KLF12: variants seen among roughly 807,000 people sequenced by gnomAD.
KLF12 encodes Krueppel-like factor 12.
In KLF12, 9 loss-of-function variants were observed where a neutral mutation model predicts 37.8. That is an observed-to-expected ratio of 0.24 (90% CI 0.14 to 0.42). KLF12 has a LOEUF of 0.42. Ranked by LOEUF, KLF12 falls within the 10% of genes least tolerant of loss-of-function variation. The pLI is 1.00. For synonymous variants in KLF12, 208 were observed against 202.1 expected (o/e 1.03, Z -0.25); for missense variants, 411 against 516.0 (o/e 0.80, Z 1.97).
intron 5 of KLF12, among the ~76,000 whole-genome samples, chr13:73,812,387 A>T (rs1188909205): frequency 2.5e-3 from 28 of 11,002 alleles, no homozygotes; most frequent in African/African-American, 8.8e-3. Context: ...GCATTCTCAC[A>T]AAAAAAAAAA....
intron 5 of KLF12, among the ~76,000 whole-genome samples, chr13:73,793,573 T>C (rs1030181513): frequency 1.3e-5 from 2 of 152,240 alleles, no homozygotes; most frequent in Non-Finnish European, 2.9e-5. Flanking sequence ...ATGCATTTCC[T>C]GGATTAAGAC....
intron 1 of KLF12, among the ~76,000 whole-genome samples, chr13:74,120,715 A>G (rs1877579295): frequency 6.6e-6 from 1 of 152,112 alleles, no homozygotes; most frequent in Non-Finnish European, 1.5e-5. Flanking sequence ...TAACATGTAT[A>G]AGTAAAATAT....
chr13:74,114,416 TAAAC>T (rs1476091430), intron 1 of KLF12, among the ~76,000 whole-genome samples: 1 of 152,130 alleles, frequency 6.6e-6, no homozygotes, highest in African/African-American at 2.4e-5. Context: ...TTTGGGGAAA[TAAAC>T]AAAATTCTAG....
chr13:73,884,570 C>G (rs1887128926), intron 3 of KLF12, among the ~76,000 whole-genome samples: 1 of 152,204 alleles, frequency 6.6e-6, no homozygotes. Context: ...GGAGGATGTG[C>G]CCATTCAGGG....
intron 5 of KLF12, among the ~76,000 whole-genome samples, chr13:73,794,746 C>G (rs1039252578): frequency 1.4e-4 from 21 of 152,220 alleles, no homozygotes; most frequent in Non-Finnish European, 2.8e-4. Flanking sequence ...TCTTCAATTA[C>G]CCTATATTCT....
chr13:73,741,967 C>T (rs1020536705), intron 6 of KLF12, among the ~76,000 whole-genome samples: 1 of 152,124 alleles, frequency 6.6e-6, no homozygotes, highest in Non-Finnish European at 1.5e-5. Context: ...ACAAAGATCA[C>T]CAACTGACAA....
intron 1 of KLF12, among the ~76,000 whole-genome samples, chr13:74,101,311 G>A (rs1422606729): frequency 1.3e-5 from 2 of 152,174 alleles, no homozygotes; most frequent in Non-Finnish European, 2.9e-5. Context: ...CCTACTTTGT[G>A]TAATTCCCAT....
chr13:74,204,345 A>C, the KLF12 span, among the ~76,000 whole-genome samples: 1 of 152,086 alleles, frequency 6.6e-6, no homozygotes, highest in Non-Finnish European at 1.5e-5. Context: ...TGTTACAGGG[A>C]TATATTTTGT....
intron 3 of KLF12, among the ~76,000 whole-genome samples, chr13:73,887,336 T>C (rs1887278847): frequency 6.6e-6 from 1 of 152,232 alleles, no homozygotes; most frequent in Non-Finnish European, 1.5e-5. Context: ...ATGTTAGAGC[T>C]AGGGCCTGGT....
chr13:73,804,896 T>C (rs1309934367), intron 5 of KLF12, among the ~76,000 whole-genome samples: 1 of 152,236 alleles, frequency 6.6e-6, no homozygotes, highest in Non-Finnish European at 1.5e-5. Flanking sequence ...CATCTTTTAA[T>C]GTGCCAGGAT....
chr13:74,033,954 CAA>C (rs1300713350), intron 1 of KLF12, among the ~76,000 whole-genome samples: 22 of 129,610 alleles, frequency 1.7e-4, no homozygotes, highest in Non-Finnish European at 1.2e-4. Flanking sequence ...AGCTGAAAGC[CAA>C]AAAAAAAAAA....
At chr13:74,299,424 G>A in the KLF12 span, among the ~76,000 whole-genome samples, 29 of 152,084 alleles carry the variant, frequency 1.9e-4, no homozygotes, top group African/African-American at 6.3e-4. Flanking sequence ...TTCATAAATT[G>A]GAGTGGATAT....
chr13:74,108,531 G>A (rs186552202), intron 1 of KLF12, among the ~76,000 whole-genome samples: 9 of 152,148 alleles, frequency 5.9e-5, no homozygotes, highest in African/African-American at 1.7e-4. Flanking sequence ...GAGTTGGGGC[G>A]CTGACCTCCC....
intron 1 of KLF12, among the ~76,000 whole-genome samples, chr13:74,065,541 T>G (rs892726635): frequency 1.2e-4 from 19 of 152,036 alleles, no homozygotes; most frequent in Admixed American, 9.8e-4. Flanking sequence ...TACATGAAAA[T>G]TTTTGTCAGG....
intron 6 of KLF12, among the ~76,000 whole-genome samples, chr13:73,749,434 C>T (rs75932970): frequency 0.017 from 2,587 of 152,142 alleles, 60 homozygotes; most frequent in African/African-American, 0.056. Context: ...AATTCATTAA[C>T]ATACACAAGA....
the KLF12 span, among the ~76,000 whole-genome samples, chr13:74,158,177 C>T: frequency 6.6e-6 from 1 of 152,102 alleles, no homozygotes; most frequent in East Asian, 1.9e-4. Context: ...TGTGGGTGGT[C>T]CGCATAGGTC....
chr13:74,100,418 G>C (rs1462203158), intron 1 of KLF12, among the ~76,000 whole-genome samples: 1 of 152,142 alleles, frequency 6.6e-6, no homozygotes, highest in Non-Finnish European at 1.5e-5. Flanking sequence ...AAGCATTCAA[G>C]GCAAGCCTGG....
the KLF12 span, among the ~76,000 whole-genome samples, chr13:74,191,819 C>T: frequency 6.6e-6 from 1 of 152,082 alleles, no homozygotes; most frequent in East Asian, 1.9e-4. Flanking sequence ...CCTTTTATTT[C>T]TCTCTGTCTA....
intron 1 of KLF12, among the ~76,000 whole-genome samples, chr13:74,010,193 T>C (rs1892514566): frequency 6.6e-6 from 1 of 152,022 alleles, no homozygotes; most frequent in Non-Finnish European, 1.5e-5. Context: ...TCCACCCTCT[T>C]CAACCACCCA....
Sources: allele counts gnomAD v4.1 joint callset (sites outside exome capture counted in the v4.1 genomes callset), GRCh38; gene constraint gnomAD v4.1.1; transcripts MANE v1.5; gene names NCBI Gene and HGNC (gene_info 2026-07-23, HGNC 2026-07-21).